Variants in CEP83 observed in about 807,000 individuals in gnomAD.
CEP83 encodes the protein centrosomal protein 83.
A neutral mutation model predicts 101.9 loss-of-function variants in CEP83; 70 were observed. That is an observed-to-expected ratio of 0.69 (90% CI 0.57 to 0.84). The LOEUF (loss-of-function observed/expected upper bound fraction) is 0.84, where lower values mean the gene tolerates loss of function less well. CEP83 is among the 40% of genes least tolerant of loss of function. CEP83 has a pLI of 0.00. For synonymous variants in CEP83, 264 were observed against 267.9 expected, an observed-to-expected ratio of 0.99 and a Z score of 0.14; for missense variants, 715 against 787.2, an observed-to-expected ratio of 0.91 and a Z score of 1.10.
chr12:94,460,201 T>G (rs1227173898), upstream of CEP83: 1 of 152,446 alleles, frequency 6.6e-6, no homozygotes, highest in Non-Finnish European at 1.5e-5. Context: ...GGCACTTGCC[T>G]TGGAGTCTGA....
At chr12:94,331,874 T>C in intron 13 of CEP83, 45 bp from the exon 14 acceptor site, 2 of 1,548,640 alleles carry the variant, frequency 1.3e-6, no homozygotes, top group East Asian at 2.3e-5. Context: ...AATAAGTTCT[T>C]AGGATTAAAT....
At chr12:94,294,232 G>A in the CEP83 span, among the ~76,000 whole-genome samples, 18 of 152,160 alleles carry the variant, frequency 1.2e-4, no homozygotes, top group East Asian at 7.7e-4. Context: ...CACCTTCTGC[G>A]TACTACCCCA....
intron 1 of CEP83, among the ~76,000 whole-genome samples, chr12:94,450,572 C>T (rs914037038): frequency 1.3e-5 from 2 of 152,176 alleles, no homozygotes; most frequent in Non-Finnish European, 2.9e-5. Context: ...TTTGTGCTAA[C>T]AATGAACAAT....
At chr12:94,372,123 A>G (rs1365890202) in intron 8 of CEP83, among the ~76,000 whole-genome samples, 1 of 152,070 alleles carries the variant, frequency 6.6e-6, no homozygotes, top group Non-Finnish European at 1.5e-5. Flanking sequence ...ACAGGCATGC[A>G]CCACCACACC....
At chr12:94,453,312 T>C (rs2067396485) in intron 1 of CEP83, among the ~76,000 whole-genome samples, 1 of 152,212 alleles carries the variant, frequency 6.6e-6, no homozygotes, top group South Asian at 2.1e-4. Flanking sequence ...ATTGTTTTCC[T>C]AGTTTTCTTT....
At chr12:94,268,716 T>C in the CEP83 span, among the ~76,000 whole-genome samples, 1 of 145,252 alleles carries the variant, frequency 6.9e-6, no homozygotes, top group African/African-American at 2.5e-5. Context: ...TGCCTCAGCC[T>C]CCCAAATACC....
the CEP83 span, among the ~76,000 whole-genome samples, chr12:94,275,705 A>G: frequency 7.7e-6 from 1 of 129,718 alleles, no homozygotes; most frequent in Non-Finnish European, 1.6e-5. Flanking sequence ...AATACAAAAA[A>G]TTAGCCGGGC....
intron 1 of CEP83, among the ~76,000 whole-genome samples, chr12:94,444,264 T>C (rs1163155994): frequency 1.3e-5 from 2 of 152,078 alleles, no homozygotes; most frequent in African/African-American, 4.8e-5. Flanking sequence ...CCAGGCATGG[T>C]GGCAAGCACC....
the CEP83 span, among the ~76,000 whole-genome samples, chr12:94,269,772 C>T: frequency 1.3e-5 from 2 of 152,226 alleles, no homozygotes. Flanking sequence ...TAGTGCAAAT[C>T]ATTTCCATTA....
In CEP83 at chr12:94,357,757, G is replaced by A. The variant is rs373863262; in HGVS notation, c.1343+10037C>T. On this transcript the variant is annotated intron_variant, in intron 11 of 16. Transcript: ENST00000397809. ...AAGGTCTAGTGTAAGTTTAAAAGGT[G>A]TACAAATACATACAGGAGTCATTGA... is the stretch of plus-strand genomic sequence containing the variant. Among the ~76,000 whole-genome samples the A allele has an allele frequency of 4.1e-4, 62 of 152,304 alleles. 1 individual carries two copies. In the South Asian group the frequency reaches 7.7e-3, roughly 19 times the overall value.
At chr12:94,351,089 T>C (rs2136767142) in intron 11 of CEP83, among the ~76,000 whole-genome samples, 1 of 151,578 alleles carries the variant, frequency 6.6e-6, no homozygotes, top group East Asian at 1.9e-4. Context: ...AAAAAAAAAA[T>C]CCACTTAATC....
chr12:94,415,581 A>C (rs187349363), intron 2 of CEP83, among the ~76,000 whole-genome samples: 1 of 152,254 alleles, frequency 6.6e-6, no homozygotes. Flanking sequence ...TTAAAAGGCA[A>C]AAAACCCCCA....
intron 4 of CEP83, among the ~76,000 whole-genome samples, chr12:94,405,711 T>C (rs552134014): frequency 1.3e-5 from 2 of 152,128 alleles, no homozygotes; most frequent in South Asian, 2.1e-4. Flanking sequence ...ACACAAAACA[T>C]AGAAGATAAG....
At chr12:94,356,763 G>A (rs1473379923) in intron 11 of CEP83, among the ~76,000 whole-genome samples, 1 of 152,126 alleles carries the variant, frequency 6.6e-6, no homozygotes, top group African/African-American at 2.4e-5. Context: ...GCTCTTACTC[G>A]AGCTTGTCTA....
chr12:94,339,338 T>TG (rs1303500322), intron 11 of CEP83, among the ~76,000 whole-genome samples: 1 of 152,214 alleles, frequency 6.6e-6, no homozygotes, highest in African/African-American at 2.4e-5. Context: ...TGCCTACCCT[T>TG]GAGTTTATAC....
intron 2 of CEP83, among the ~76,000 whole-genome samples, chr12:94,417,094 G>C (rs2064334562): frequency 6.6e-6 from 1 of 152,104 alleles, no homozygotes; most frequent in Non-Finnish European, 1.5e-5. Flanking sequence ...TGGGAGGATT[G>C]GTTGAGACCA....
chr12:94,386,631 G>A (rs1019998408), intron 6 of CEP83, among the ~76,000 whole-genome samples: 4 of 152,092 alleles, frequency 2.6e-5, no homozygotes, highest in African/African-American at 9.7e-5. Flanking sequence ...GCCCTGTGCT[G>A]CCTATTTTCC....
chr12:94,434,098 G>A (rs114091576), intron 2 of CEP83: 97 of 152,278 alleles, frequency 6.4e-4, no homozygotes, highest in African/African-American at 2.3e-3. Context: ...TTCCTTAAAT[G>A]TCCACCTGCT....
At chr12:94,333,398 A>G (rs2059319801) in intron 13 of CEP83, 84 bp downstream of exon 13, 4 of 1,208,036 alleles carry the variant, frequency 3.3e-6, no homozygotes, top group East Asian at 5.0e-5. Context: ...CTAAAATATA[A>G]TCAACATTGG....
Sources: allele counts gnomAD v4.1 joint callset (sites outside exome capture counted in the v4.1 genomes callset), GRCh38; gene constraint gnomAD v4.1.1; transcripts MANE v1.5; gene names NCBI Gene and HGNC (gene_info 2026-07-23, HGNC 2026-07-21).